Variants in FBXO7 observed in about 807,000 individuals in gnomAD.
FBXO7 encodes the protein F-box only protein 7.
A neutral mutation model predicts 50.2 loss-of-function variants in FBXO7; 31 were observed. The observed-to-expected ratio is 0.62, with a 90% confidence interval of 0.46 to 0.83. The LOEUF (loss-of-function observed/expected upper bound fraction) is 0.83, where lower values mean the gene tolerates loss of function less well. Ranked by LOEUF, FBXO7 falls within the 40% of genes least tolerant of loss-of-function variation. The probability of loss-of-function intolerance (pLI) is 0.00; values close to 1 mark genes in which losing one functional copy is unlikely to be tolerated. For synonymous variants in FBXO7, 256 were observed against 253.1 expected (o/e 1.01, Z -0.11); for missense variants, 667 against 646.6 (o/e 1.03, Z -0.34).
intron 2 of FBXO7, among the ~76,000 whole-genome samples, chr22:32,481,388 TTTAAAGTTGTCTA>T (rs2057464187): frequency 6.6e-6 from 1 of 152,220 alleles, no homozygotes; most frequent in Non-Finnish European, 1.5e-5. Context: ...TCTGTGTACT[TTTAAAGTTGTCTA>T]GTAAGATGAA....
intron 1 of FBXO7, among the ~76,000 whole-genome samples, chr22:32,478,602 C>T (rs1367600930): frequency 6.6e-6 from 1 of 152,170 alleles, no homozygotes. Context: ...TGCCTATAGT[C>T]CTAGCTCCTC....
At chr22:32,491,022 A>G in intron 5 of FBXO7, 64 bp from the exon 6 acceptor site, 1 of 1,132,208 alleles carries the variant, frequency 8.8e-7, no homozygotes, top group Non-Finnish European at 1.3e-6. Context: ...TGGGTTTGGC[A>G]GAAATAGAGG....
At chr22:32,488,613 T>C (rs1343142145) in intron 5 of FBXO7, 3 of 152,280 alleles carry the variant, frequency 2.0e-5, no homozygotes, top group Non-Finnish European at 4.4e-5. Context: ...ATGGCATTTA[T>C]AGCAGTCCTT....
In FBXO7 at chr22:32,485,255, A is replaced by C. The variant is rs369936867; in HGVS notation, c.787+46A>C. ...TGGTTGCTGGTTTATGGATTCTTAG[A>C]CGTTTCTTTCCAAATGTTTTATAGC... On this transcript the variant is annotated intron_variant, in intron 4 of 8. Transcript: ENST00000266087. 2.5e-6 allele frequency: 4 copies of C among 1,612,908 alleles called. No individual in the cohort carries two copies. The East Asian group carries it at 8.9e-5, about 36-fold the overall frequency.
At chr22:32,494,101 C>T (rs1405989500) in intron 7 of FBXO7, among the ~76,000 whole-genome samples, 3 of 97,192 alleles carry the variant, frequency 3.1e-5, no homozygotes, top group Non-Finnish European at 5.9e-5. Context: ...GGGTAGATAG[C>T]TCCCTTAAAA....
At chr22:32,492,920 A>G (rs2146002365) in intron 6 of FBXO7, 185 bp from the exon 7 acceptor site, 1 of 656,862 alleles carries the variant, frequency 1.5e-6, no homozygotes, top group East Asian at 2.7e-5. Context: ...ATGAGTTAAT[A>G]GTAATTATAG....
chr22:32,475,170 C>G (rs764815275), intron 1 of FBXO7, 46 bp downstream of exon 1: 1 of 1,473,622 alleles, frequency 6.8e-7, no homozygotes, highest in African/African-American at 1.4e-5. Context: ...GTGGGGAGTG[C>G]TTGGGGTGGG....
At chr22:32,475,893 T>G (rs937476684) in intron 1 of FBXO7, 2 of 153,014 alleles carry the variant, frequency 1.3e-5, no homozygotes, top group African/African-American at 4.8e-5. Flanking sequence ...GGACTGCAGG[T>G]GAAGCTGCTT....
At chr22:32,483,222 C>G (rs2057476145) in intron 2 of FBXO7, among the ~76,000 whole-genome samples, 1 of 152,174 alleles carries the variant, frequency 6.6e-6, no homozygotes, top group South Asian at 2.1e-4. Context: ...TTATTAGACT[C>G]CTCAGTGCTT....
chr22:32,479,719 A>AT lies in FBXO7; in HGVS notation c.417+452dup, dbSNP rs1261811294. ...TGCAGATTATATTTTTATAGAATAT[A>AT]TTTTTTTTAACTGCCAAATGCCTGT... On this transcript the variant is annotated intron_variant, in intron 2 of 8. Coordinates refer to ENST00000266087, the MANE Select transcript of FBXO7 (RefSeq NM_012179.4). Among the ~76,000 whole-genome samples, 12 of 151,934 alleles carry AT rather than the reference A, an allele frequency of 7.9e-5. 1 individual carries two copies. The East Asian group carries it at 1.5e-3, about 20-fold the overall frequency.
intron 5 of FBXO7, chr22:32,490,307 G>C (rs1255567947): frequency 1.3e-5 from 2 of 152,186 alleles, no homozygotes; most frequent in Non-Finnish European, 2.9e-5. Context: ...CTATACACTT[G>C]GTAAATAGCA....
At chr22:32,484,699 G>A (rs1342225013) in intron 3 of FBXO7, among the ~76,000 whole-genome samples, 3 of 152,270 alleles carry the variant, frequency 2.0e-5, no homozygotes, top group East Asian at 1.9e-4. Flanking sequence ...GAAAGGAAAT[G>A]GCAAACAATT....
intron 7 of FBXO7, among the ~76,000 whole-genome samples, chr22:32,494,156 T>TA (rs1312672102): frequency 1.3e-5 from 2 of 150,458 alleles, no homozygotes; most frequent in African/African-American, 4.9e-5. Context: ...TTTGGATTGC[T>TA]AAAATTTTTT....
chr22:32,480,414 AT>A (rs2057457089), intron 2 of FBXO7, among the ~76,000 whole-genome samples: 1 of 151,618 alleles, frequency 6.6e-6, no homozygotes, highest in Admixed American at 6.6e-5. Flanking sequence ...CAGACCCATC[AT>A]TTTCCCCCGC....
At chr22:32,492,611 C>G (rs570241819) in intron 6 of FBXO7, 7 of 201,928 alleles carry the variant, frequency 3.5e-5, no homozygotes, top group East Asian at 1.4e-4. Context: ...ACATTTACTT[C>G]TCACAACTCA....
At chr22:32,493,384 T>C (rs954270611) in intron 7 of FBXO7, 103 bp downstream of exon 7, 2 of 904,782 alleles carry the variant, frequency 2.2e-6, no homozygotes, top group African/African-American at 3.3e-5. Flanking sequence ...TGCAAATGAT[T>C]ACAATAAATA....
intron 4 of FBXO7, 85 bp from the exon 5 acceptor site, chr22:32,487,660 T>C (rs2057506913): frequency 1.2e-6 from 1 of 823,292 alleles, no homozygotes; most frequent in Admixed American, 2.0e-5. Context: ...TATTAGGAGC[T>C]AGGAAATGCA....
intron 6 of FBXO7, chr22:32,491,774 AGAT>A (rs2057538968): frequency 6.6e-6 from 1 of 152,122 alleles, no homozygotes; most frequent in Admixed American, 6.5e-5. Flanking sequence ...CTTATTTTAT[AGAT>A]GATGAAATCA....
At chr22:32,497,089 G>T (rs1053328322) in intron 8 of FBXO7, among the ~76,000 whole-genome samples, 2 of 152,230 alleles carry the variant, frequency 1.3e-5, no homozygotes, top group African/African-American at 2.4e-5. Context: ...AATTGCTGCA[G>T]TCTCACAGTC....
Sources: gnomAD v4.1 joint callset for allele counts (sites outside exome capture counted in the v4.1 genomes callset) on GRCh38, gnomAD v4.1.1 for gene constraint, MANE v1.5 for transcripts, NCBI Gene and HGNC (gene_info 2026-07-23, HGNC 2026-07-21) for gene names.